Variants in PCSK5 observed in about 807,000 individuals in gnomAD.
PCSK5 encodes proprotein convertase subtilisin/kexin type 5, also known as prohormone convertase 5.
Under a neutral mutation model 233.2 loss-of-function variants are expected in PCSK5, and 129 were observed. The ratio of observed to expected loss-of-function variants is 0.55; its 90% CI spans 0.48 to 0.64. The LOEUF (loss-of-function observed/expected upper bound fraction) is 0.64. Among genes scored for constraint, PCSK5 ranks in the 30% least tolerant of loss-of-function variants. The pLI, the probability that PCSK5 is intolerant of heterozygous loss-of-function variation, is 0.00. For missense variants in PCSK5, 2,076 were observed against 2,430.1 expected, an observed-to-expected ratio of 0.85 and a Z score of 3.06; for synonymous variants, 825 against 879.2, an observed-to-expected ratio of 0.94 and a Z score of 1.09.
At chr9:76,264,566 A>G (rs978125515) in intron 24 of PCSK5, among the ~76,000 whole-genome samples, 2 of 152,174 alleles carry the variant, frequency 1.3e-5, no homozygotes, top group African/African-American at 4.8e-5. Context: ...ACTTAATTCA[A>G]CAAGCAAAAT....
chr9:76,001,995 A>G (rs1207035872), intron 3 of PCSK5, among the ~76,000 whole-genome samples: 1 of 152,204 alleles, frequency 6.6e-6, no homozygotes, highest in African/African-American at 2.4e-5. Flanking sequence ...TAAAGGCATT[A>G]ATTTAATGTG....
intron 22 of PCSK5, among the ~76,000 whole-genome samples, chr9:76,235,099 C>T (rs1264111499): frequency 6.6e-6 from 1 of 152,128 alleles, no homozygotes; most frequent in Non-Finnish European, 1.5e-5. Flanking sequence ...TACCTTGTTT[C>T]TGCTGTATTT....
chr9:76,283,167 A>C (rs1827936095), intron 24 of PCSK5, among the ~76,000 whole-genome samples: 1 of 152,242 alleles, frequency 6.6e-6, no homozygotes, highest in Non-Finnish European at 1.5e-5. Context: ...AGAATATTAC[A>C]TAAATTTAGT....
chr9:76,234,151 C>A (rs1826181186), intron 22 of PCSK5, among the ~76,000 whole-genome samples: 2 of 152,146 alleles, frequency 1.3e-5, no homozygotes, highest in African/African-American at 4.8e-5. Flanking sequence ...CCAGCCTCAA[C>A]TCATATGCCT....
At chr9:76,339,694 A>C (rs1324889290) in intron 35 of PCSK5, among the ~76,000 whole-genome samples, 1 of 151,994 alleles carries the variant, frequency 6.6e-6, no homozygotes, top group African/African-American at 2.4e-5. Context: ...ACAGACGTGC[A>C]CCACCACGCC....
chr9:75,948,039 G>T (rs1195921800), intron 2 of PCSK5, among the ~76,000 whole-genome samples: 1 of 152,016 alleles, frequency 6.6e-6, no homozygotes, highest in East Asian at 1.9e-4. Context: ...TACAGACAGG[G>T]TCTCACTAGG....
chr9:76,091,407 C>T (rs1486079691), intron 7 of PCSK5, among the ~76,000 whole-genome samples: 1 of 152,106 alleles, frequency 6.6e-6, no homozygotes, highest in Admixed American at 6.5e-5. Context: ...CTGTGCGGCC[C>T]CACACTTATG....
chr9:76,120,444 C>CA (rs1050815766), intron 9 of PCSK5, among the ~76,000 whole-genome samples: 9 of 151,932 alleles, frequency 5.9e-5, no homozygotes, highest in Non-Finnish European at 1.3e-4. Context: ...TTTTCCCAAT[C>CA]AAAAAAATCT....
rs71372053 is a variant in PCSK5 at position 76,175,291 on chromosome 9, C to CGAATCGAATA, written c.1900+166_1900+167insCGAATAGAAT. The CGAATCGAATA allele has an allele frequency of 3.8e-3, 1,989 of 526,322 alleles. 6 individuals are homozygous for CGAATCGAATA. The highest frequency in any genetic ancestry group is 8.5e-3 in the Middle Eastern group (21 of 2,474). The allele number at this position is 526,322 out of a possible 1,614,324, so 32.6% of individuals were successfully genotyped here. Reference sequence around the variant, plus strand: ...GGAATGGAATCGAATCGAATCGAATCGAATAGAATAGAATAGAATAGAACA... The same window carrying CGAATCGAATA: ...GGAATGGAATCGAATCGAATCGAATCGAATCGAATAGAATAGAATAGAATAGAATAGAACA... On this transcript the variant is annotated intron_variant, in intron 14 of 37. Coordinates refer to ENST00000674117, the MANE Select transcript of PCSK5 (RefSeq NM_001372043.1).
intron 3 of PCSK5, among the ~76,000 whole-genome samples, chr9:76,012,188 G>T (rs1029188141): frequency 2.6e-5 from 4 of 152,202 alleles, no homozygotes; most frequent in African/African-American, 9.6e-5. Flanking sequence ...TAACTGTAAT[G>T]TAACTGCCAT....
At chr9:75,891,537 A>G (rs1183776401) in intron 1 of PCSK5, among the ~76,000 whole-genome samples, 164 bp downstream of exon 1, 45 of 21,238 alleles carry the variant, frequency 2.1e-3, no homozygotes, top group African/African-American at 4.1e-3. Flanking sequence ...GTACGCACAC[A>G]CACACACACA....
intron 24 of PCSK5, among the ~76,000 whole-genome samples, chr9:76,245,743 T>C (rs1826571574): frequency 6.6e-6 from 1 of 152,132 alleles, no homozygotes; most frequent in Admixed American, 6.5e-5. Flanking sequence ...AGAGAATCAT[T>C]GAAGGTTCTT....
chr9:76,359,142 G>A lies in PCSK5; in HGVS notation c.*220G>A, dbSNP rs747142479. ...GTTCCTGTTCAACCGTAATTGAAGAGCAAGGATAAAATTCAGAGGCATTTT... is the reference window on the plus strand; with the variant it reads ...GTTCCTGTTCAACCGTAATTGAAGAACAAGGATAAAATTCAGAGGCATTTT... On this transcript the variant is annotated 3_prime_UTR_variant, in exon 38 of 38. Coordinates refer to ENST00000674117, the MANE Select transcript of PCSK5 (RefSeq NM_001372043.1). The A allele has an allele frequency of 1.5e-4, 79 of 527,808 alleles. No individual in the cohort carries two copies. Among genetic ancestry groups the A allele is most frequent in the Non-Finnish European group, 2.4e-4 (71 of 295,998 alleles). 32.7% of individuals were successfully genotyped at this position (527,808 alleles called of 1,614,324 possible).
chr9:75,920,074 G>A (rs963934545), intron 1 of PCSK5, among the ~76,000 whole-genome samples: 4 of 152,118 alleles, frequency 2.6e-5, no homozygotes, highest in Non-Finnish European at 5.9e-5. Flanking sequence ...GAGGCTGGGG[G>A]AGGAGAATCA....
At chr9:76,225,538 T>C (rs1204706823) in intron 20 of PCSK5, among the ~76,000 whole-genome samples, 3 of 152,256 alleles carry the variant, frequency 2.0e-5, no homozygotes, top group Non-Finnish European at 4.4e-5. Context: ...CCTTGGGTCC[T>C]CTGCTCTTAA....
chr9:76,335,194 G>A (rs1402730248), intron 34 of PCSK5, among the ~76,000 whole-genome samples: 2 of 152,176 alleles, frequency 1.3e-5, no homozygotes, highest in Non-Finnish European at 2.9e-5. Flanking sequence ...AATCAAGTCA[G>A]TAAACACTCT....
chr9:76,193,307 G>T, intron 20 of PCSK5: 1 of 1,612,218 alleles, frequency 6.2e-7, no homozygotes, highest in Non-Finnish European at 8.5e-7. Flanking sequence ...GCCAACGGAA[G>T]GTTCTTCAAC....
At chr9:75,953,765 A>G (rs977909792) in intron 2 of PCSK5, among the ~76,000 whole-genome samples, 1 of 152,102 alleles carries the variant, frequency 6.6e-6, no homozygotes, top group Non-Finnish European at 1.5e-5. Context: ...TTAAGCACCT[A>G]TCAAATTCCC....
intron 2 of PCSK5, among the ~76,000 whole-genome samples, chr9:75,942,362 G>C (rs1004797565): frequency 1.3e-5 from 2 of 152,222 alleles, no homozygotes; most frequent in East Asian, 3.8e-4. Flanking sequence ...GGCTGTGTTG[G>C]GAGAAAGGGA....
Sources: allele counts gnomAD v4.1 joint callset (sites outside exome capture counted in the v4.1 genomes callset), GRCh38; gene constraint gnomAD v4.1.1; transcripts MANE v1.5; gene names NCBI Gene and HGNC (gene_info 2026-07-23, HGNC 2026-07-21).